The following NUP107 variants were observed in gnomAD, a reference collection of about 807,000 sequenced individuals.
NUP107 encodes the protein nuclear pore complex protein Nup107.
In NUP107, 101 loss-of-function variants were observed where a neutral mutation model predicts 141.0. The observed-to-expected ratio is 0.72, with a 90% CI of 0.61 to 0.84. The LOEUF (loss-of-function observed/expected upper bound fraction) is 0.84, where lower values mean the gene tolerates loss of function less well. Ranked by LOEUF, NUP107 falls within the 40% of genes least tolerant of loss-of-function variation. The pLI is 0.00. For missense variants in NUP107, 941 were observed against 1,102.7 expected, an observed-to-expected ratio of 0.85 and a Z score of 2.08; for synonymous variants, 319 against 363.9, an observed-to-expected ratio of 0.88 and a Z score of 1.41.
At chr12:68,691,691 AG>A (rs1308506359) in intron 4 of NUP107, among the ~76,000 whole-genome samples, 1 of 152,008 alleles carries the variant, frequency 6.6e-6, no homozygotes, top group Non-Finnish European at 1.5e-5. Flanking sequence ...AAAATTAGCC[AG>A]GCGTGGTGGC....
chr12:68,745,025 G>C lies in NUP107; in HGVS notation c.*2563G>C, dbSNP rs1209493667. Reference sequence around the variant, plus strand: ...CTTTTTCCTTGAGCATTGCATGAAGGCTACAAAGTTGGAACAGGCATGTCC... The same window carrying C: ...CTTTTTCCTTGAGCATTGCATGAAGCCTACAAAGTTGGAACAGGCATGTCC... On this transcript the variant is annotated 3_prime_UTR_variant, in exon 28 of 28. Transcript: ENST00000229179. 1.7e-4 allele frequency: 26 copies of C among 152,188 alleles called. No homozygotes were observed. 9.4% of individuals were successfully genotyped at this position (152,188 alleles called of 1,614,324 possible).
chr12:68,695,989 A>G (rs1876030727), intron 5 of NUP107, among the ~76,000 whole-genome samples: 2 of 151,814 alleles, frequency 1.3e-5, no homozygotes, highest in African/African-American at 4.8e-5. Flanking sequence ...CCTAGGTGAC[A>G]GAGCAAGATC....
rs1875642468 is a variant in NUP107, at chr12:68,688,988, C to G, written c.35C>G (p.Pro12Arg). The G allele has an allele frequency of 3.1e-6, 5 of 1,613,502 alleles. No homozygotes were observed. Among genetic ancestry groups the G allele is most frequent in the Non-Finnish European group, 3.4e-6 (4 of 1,179,678 alleles). ...DRSGFGEISS[P>R]VIREAEVTRT... The stretch of plus-strand genomic sequence containing the variant: ...AGTGGCTTTGGAGAGATATCATCCC[C>G]TGTAATCCGGGAGGCAGAGGTGACA... Residue 12 changes from proline (P) to arginine (R), a missense_variant, in exon 2 of 28, where the codon CCT (proline) becomes CGT (arginine). Physicochemically the swap from Pro to Arg is moderately radical, Grantham distance 103. Coordinates refer to ENST00000229179, the MANE Select transcript of NUP107 (RefSeq NM_020401.4).
chr12:68,687,452 TA>T (rs1875554162), intron 1 of NUP107: 1 of 1,068,636 alleles, frequency 9.4e-7, no homozygotes, highest in East Asian at 7.0e-5. Context: ...ACTTTCTGAT[TA>T]CAAGTGCCAG....
chr12:68,707,347 A>T (rs1876640038), intron 8 of NUP107, among the ~76,000 whole-genome samples: 1 of 152,178 alleles, frequency 6.6e-6, no homozygotes, highest in South Asian at 2.1e-4. Flanking sequence ...CATGCCGGTA[A>T]TCCCAACACT....
At chr12:68,724,224 G>A (rs188046622) in intron 17 of NUP107, among the ~76,000 whole-genome samples, 259 of 151,778 alleles carry the variant, frequency 1.7e-3, no homozygotes, top group Middle Eastern at 6.8e-3. Flanking sequence ...CCATTTAAAC[G>A]AGTGACCAAA....
Position 68,731,245 on chromosome 12 carries a change from T to G in NUP107, c.1870T>G (p.Leu624Val), listed in dbSNP as rs1565702093. Residue 624 changes from leucine to valine, a missense_variant, in exon 21 of 28, where the codon TTG (leucine) becomes GTG (valine). Transcript: ENST00000229179. Reference protein sequence around the residue: ...EFEQRHHCLELAKEADLDVAT... With the variant: ...EFEQRHHCLEVAKEADLDVAT... Reference sequence around the variant, plus strand: ...TGAACAGCGCCACCATTGCCTGGAGTTGGCTAAAGAAGCAGGTAAAAATGG... The same window carrying G: ...TGAACAGCGCCACCATTGCCTGGAGGTGGCTAAAGAAGCAGGTAAAAATGG... 2 of 1,599,188 alleles carry G rather than the reference T, an allele frequency of 1.3e-6. No homozygotes were observed. The highest frequency in any genetic ancestry group is 2.7e-5 in the African/African-American group (2 of 74,292).
intron 8 of NUP107, chr12:68,706,575 C>T (rs1446785632): frequency 4.1e-5 from 28 of 680,574 alleles, no homozygotes; most frequent in Non-Finnish European, 5.7e-5. Context: ...GAACATCAGT[C>T]GGCTCCAGGA....
In NUP107 at chr12:68,721,172, A is replaced by C; in HGVS notation, c.1306A>C (p.Lys436Gln). 6.2e-7 allele frequency: 1 copy of C among 1,605,010 alleles called. No individual in the cohort carries two copies. ...AIYAALSGNL[K>Q]QLLPVCDTWE... ...TTATGCAGCTTTAAGTGGGAATCTT[A>C]AGCAGGTATGCAATCTGTTTTAATG... The change falls in exon 15 of 28, where the codon AAG (lysine) becomes CAG (glutamine). Residue 436 changes from lysine to glutamine, a missense_variant. By Grantham distance (53) the Lys-to-Gln change is moderately conservative. Coordinates refer to ENST00000229179, the MANE Select transcript of NUP107 (RefSeq NM_020401.4).
intron 8 of NUP107, 157 bp from the exon 9 acceptor site, chr12:68,709,081 A>G (rs911879096): frequency 1.2e-5 from 6 of 503,766 alleles, no homozygotes; most frequent in African/African-American, 4.0e-5. Flanking sequence ...ATACCTTTCA[A>G]TGATGAATAT....
intron 8 of NUP107, among the ~76,000 whole-genome samples, chr12:68,707,686 A>G (rs1008216827): frequency 6.6e-6 from 1 of 152,238 alleles, no homozygotes; most frequent in East Asian, 1.9e-4. Flanking sequence ...AACTATTTAC[A>G]TATGTAGCAT....
intron 9 of NUP107, 71 bp downstream of exon 9, chr12:68,709,380 G>GC: frequency 2.4e-6 from 2 of 841,432 alleles, no homozygotes; most frequent in South Asian, 3.4e-5. Flanking sequence ...AAGTACTGAA[G>GC]TGTTTTTTAA....
At chr12:68,691,867 T>C (rs1187814557) in intron 4 of NUP107, 101 bp from the exon 5 acceptor site, 5 of 851,006 alleles carry the variant, frequency 5.9e-6, no homozygotes, top group Non-Finnish European at 8.4e-6. Flanking sequence ...GACGCATACA[T>C]ACATATAATT....
chr12:68,687,167 A>G (rs1476705462), intron 1 of NUP107, 94 bp downstream of exon 1: 3 of 1,558,806 alleles, frequency 1.9e-6, no homozygotes, highest in Non-Finnish European at 2.6e-6. Context: ...AGAAGAAGCC[A>G]AGGAGGTCCC....
chr12:68,720,142 A>C (rs1333581384), intron 14 of NUP107, among the ~76,000 whole-genome samples: 1 of 152,072 alleles, frequency 6.6e-6, no homozygotes, highest in Non-Finnish European at 1.5e-5. Flanking sequence ...TTGTGCAAAA[A>C]CCCCACAGGA....
intron 7 of NUP107, among the ~76,000 whole-genome samples, 192 bp from the exon 8 acceptor site, chr12:68,702,544 T>TATGA (rs1451150183): frequency 1.3e-5 from 2 of 152,028 alleles, no homozygotes; most frequent in Non-Finnish European, 2.9e-5. Context: ...GGATTACAGG[T>TATGA]ATGAGCCAGT....
At chr12:68,711,085 C>G (rs990091788) in intron 10 of NUP107, among the ~76,000 whole-genome samples, 2 of 151,758 alleles carry the variant, frequency 1.3e-5, no homozygotes, top group Non-Finnish European at 2.9e-5. Context: ...TAAAACCCAT[C>G]TCTACTAAAA....
intron 11 of NUP107, chr12:68,714,377 G>A (rs118096009): frequency 6.6e-6 from 1 of 152,274 alleles, no homozygotes; most frequent in East Asian, 1.9e-4. Flanking sequence ...AAAATTGTTT[G>A]GAAACTACTC....
Position 68,715,671 on chromosome 12 carries a change from G to A in NUP107, c.1014G>A (p.Leu338=). The A allele has an allele frequency of 6.2e-7, 1 of 1,613,262 alleles. No homozygotes were observed. The highest frequency in any genetic ancestry group is 8.5e-7 in the Non-Finnish European group (1 of 1,179,434). Reference sequence around the variant, plus strand: ...GACAGAAAATGCCCCTTGATGATCTGGATAGAGAAGATGAAGTTAGATTAC... The same window carrying A: ...GACAGAAAATGCCCCTTGATGATCTAGATAGAGAAGATGAAGTTAGATTAC... ...PIRQKMPLDD[L]DREDEVRLLK... Residue 338 remains leucine, a synonymous_variant, in exon 12 of 28, where the codon CTG becomes CTA. Transcript: ENST00000229179.
Sources: allele counts gnomAD v4.1 joint callset (sites outside exome capture counted in the v4.1 genomes callset), GRCh38; gene constraint gnomAD v4.1.1; transcripts MANE v1.5; gene names NCBI Gene and HGNC (gene_info 2026-07-23, HGNC 2026-07-21).